KIF16B: variants seen among roughly 807,000 people sequenced by gnomAD.
The protein encoded by KIF16B is kinesin family member 16B.
In KIF16B, 98 loss-of-function variants were observed where a neutral mutation model predicts 156.3. The ratio of observed to expected loss-of-function variants is 0.63; its 90% CI spans 0.53 to 0.74. KIF16B has a LOEUF of 0.74. Among genes scored for constraint, KIF16B ranks in the 30% least tolerant of loss-of-function variants. The probability of loss-of-function intolerance (pLI) is 0.00; values close to 1 mark genes in which losing one functional copy is unlikely to be tolerated. For synonymous variants in KIF16B, 564 were observed against 583.7 expected, an observed-to-expected ratio of 0.97 and a Z score of 0.49; for missense variants, 1,421 against 1,606.5, an observed-to-expected ratio of 0.88 and a Z score of 1.97.
In KIF16B at chr20:16,404,881, G is replaced by A. The variant is rs1218040714; in HGVS notation, c.1716C>T (p.Phe572=). ...EKRKSGLLSS[F]SLSMTDLSKS... ...TCGAGAGGTCGGTCATGGACAAGCT[G>A]AAGGAGGACAGAAGGCCACTCTAAG... The change falls in exon 17 of 26, where the codon TTC becomes TTT. Residue 572 remains phenylalanine, a synonymous_variant. Transcript: ENST00000354981. 3 of 1,613,284 alleles carry A rather than the reference G, an allele frequency of 1.9e-6. No individual in the cohort carries two copies. The Admixed American group carries it at 5.0e-5, about 27-fold the overall frequency.
rs547195807 is a variant in KIF16B at position 16,298,229 on chromosome 20, T to A, written c.3795+14106A>T. 2.0e-5 allele frequency among the ~76,000 whole-genome samples: 3 copies of A among 152,342 alleles called. No homozygotes were observed. In the East Asian group the frequency reaches 5.8e-4, roughly 29 times the overall value. ...AGATAATTTCAAAGATTAGGCCAGA[T>A]AGGTTTGAGAACCACAGCTTTGGGA... On this transcript the variant is annotated intron_variant, in intron 25 of 25. Coordinates refer to ENST00000354981, the MANE Select transcript of KIF16B (RefSeq NM_024704.5).
rs184084637 is a variant in KIF16B, at chr20:16,362,971, T to A, written c.3499-6519A>T. 2.8e-4 allele frequency among the ~76,000 whole-genome samples: 43 copies of A among 152,224 alleles called. 1 individual carries two copies. Among genetic ancestry groups the A allele is most frequent in the African/African-American group, 1.0e-3 (42 of 41,542 alleles). ...CAACTAGTTTATTCAATTCCATCCC[T>A]CATAAAGAAGGCATTAGCATACTAC... is the stretch of plus-strand genomic sequence containing the variant. On this transcript the variant is annotated intron_variant, in intron 22 of 25. Transcript: ENST00000354981.
At chr20:16,462,277 T>C (rs76223731) in intron 12 of KIF16B, among the ~76,000 whole-genome samples, 17,070 of 152,166 alleles carry the variant, frequency 0.11, 1,177 homozygotes, top group Non-Finnish European at 0.17. Flanking sequence ...CTTCCATATG[T>C]ACACTTTTCT....
At chr20:16,459,607 C>T (rs948722893) in intron 12 of KIF16B, among the ~76,000 whole-genome samples, 1 of 152,148 alleles carries the variant, frequency 6.6e-6, no homozygotes, top group Non-Finnish European at 1.5e-5. Flanking sequence ...CTGCTTTCAT[C>T]CTCCACCAAG....
chr20:16,356,631 A>G (rs983809799), intron 22 of KIF16B, among the ~76,000 whole-genome samples, 179 bp from the exon 23 acceptor site: 2 of 152,270 alleles, frequency 1.3e-5, no homozygotes, highest in African/African-American at 4.8e-5. Context: ...AGCCTCTCTC[A>G]TAACAAAAAG....
chr20:16,438,016 G>A (rs557842775), intron 12 of KIF16B, among the ~76,000 whole-genome samples: 69 of 151,474 alleles, frequency 4.6e-4, no homozygotes, highest in African/African-American at 7.3e-4. Context: ...GTGTGGTGGC[G>A]TGCACCTGTA....
chr20:16,563,720 G>A (rs967181959), intron 1 of KIF16B, among the ~76,000 whole-genome samples: 4 of 152,112 alleles, frequency 2.6e-5, no homozygotes, highest in Admixed American at 1.3e-4. Flanking sequence ...CAGTTTCCAT[G>A]TTTAAAATAA....
intron 2 of KIF16B, among the ~76,000 whole-genome samples, chr20:16,526,464 T>C (rs933325118): frequency 2.0e-5 from 3 of 152,316 alleles, no homozygotes; most frequent in South Asian, 2.1e-4. Flanking sequence ...CCAGACTCTG[T>C]ATTTCCACCT....
At chr20:16,478,811 T>G (rs931113498) in intron 12 of KIF16B, among the ~76,000 whole-genome samples, 3 of 152,212 alleles carry the variant, frequency 2.0e-5, no homozygotes, top group African/African-American at 7.2e-5. Flanking sequence ...TGAAGCATTA[T>G]CATATGTTTA....
chr20:16,364,391 A>G (rs2064614330), intron 22 of KIF16B, among the ~76,000 whole-genome samples: 1 of 152,266 alleles, frequency 6.6e-6, no homozygotes. Flanking sequence ...GCAGAATGCC[A>G]CATAACCAAG....
rs1388510141 is a variant in KIF16B at position 16,573,300 on chromosome 20, G to C, written c.-25C>G. The C allele has an allele frequency of 1.2e-6, 2 of 1,609,008 alleles. No homozygotes were observed. Among genetic ancestry groups the C allele is most frequent in the Non-Finnish European group, 1.7e-6 (2 of 1,178,582 alleles). On this transcript the variant is annotated 5_prime_UTR_variant, in exon 1 of 26. Coordinates refer to ENST00000354981, the MANE Select transcript of KIF16B (RefSeq NM_024704.5). ...TCGCTCATCCCGAACCAGCCCGCGC[G>C]GGGTCCCACTAGCCCAGAACTCCGC...
chr20:16,564,919 A>G (rs894190768), intron 1 of KIF16B, among the ~76,000 whole-genome samples: 2 of 151,402 alleles, frequency 1.3e-5, no homozygotes, highest in African/African-American at 4.9e-5. Flanking sequence ...CCCTCCTCCC[A>G]AGCCTTGAGC....
intron 22 of KIF16B, chr20:16,369,086 G>A (rs1229992838): frequency 1.0e-6 from 1 of 985,710 alleles, no homozygotes; most frequent in African/African-American, 1.7e-5. Flanking sequence ...CTCTGCTGGT[G>A]AGTTCTCTCT....
intron 15 of KIF16B, among the ~76,000 whole-genome samples, chr20:16,419,946 C>T (rs1229437128): frequency 1.3e-5 from 2 of 152,094 alleles, no homozygotes; most frequent in East Asian, 3.9e-4. Flanking sequence ...TGATCAAATT[C>T]ACATTTTCTT....
intron 1 of KIF16B, among the ~76,000 whole-genome samples, chr20:16,553,126 G>T (rs2070726907): frequency 6.6e-6 from 1 of 152,134 alleles, no homozygotes; most frequent in South Asian, 2.1e-4. Context: ...CCACCCATCT[G>T]AAGTTTCAGC....
Position 16,508,052 on chromosome 20 carries a change from A to G in KIF16B, c.605T>C (p.Met202Thr), listed in dbSNP as rs902448281. 6 of 1,614,166 alleles carry G rather than the reference A, an allele frequency of 3.7e-6. No homozygotes were observed. The highest frequency in any genetic ancestry group is 3.3e-5 in the Admixed American group (2 of 60,026). Residue 202 changes from methionine (M) to threonine (T), a missense_variant, in exon 7 of 26, where the codon ATG (methionine) becomes ACG (threonine). Coordinates refer to ENST00000354981, the MANE Select transcript of KIF16B (RefSeq NM_024704.5). The stretch of plus-strand genomic sequence containing the variant: ...GGTCCGGTTGATATTGCCCGCATCC[A>G]TAAGTTCTTCTACGTCACCATAATT... ...VQNYGDVEEL[M>T]DAGNINRTTA...
At chr20:16,369,102 T>G (rs2064752910) in intron 22 of KIF16B, 1 of 985,770 alleles carries the variant, frequency 1.0e-6, no homozygotes, top group South Asian at 4.7e-5. Context: ...TCTCTTGTGA[T>G]GCTGAGGAAG....
At chr20:16,320,254 TA>T (rs889859194) in intron 24 of KIF16B, among the ~76,000 whole-genome samples, 3 of 152,074 alleles carry the variant, frequency 2.0e-5, no homozygotes, top group African/African-American at 7.2e-5. Context: ...AACCTCGCAC[TA>T]AAAATCAATC....
chr20:16,509,560 T>C (rs2068893200), intron 6 of KIF16B, among the ~76,000 whole-genome samples: 1 of 152,232 alleles, frequency 6.6e-6, no homozygotes, highest in African/African-American at 2.4e-5. Flanking sequence ...TCTTTTACTA[T>C]GAGTGAAATG....
Sources: gnomAD v4.1 joint callset for allele counts (sites outside exome capture counted in the v4.1 genomes callset) on GRCh38, gnomAD v4.1.1 for gene constraint, MANE v1.5 for transcripts, NCBI Gene and HGNC (gene_info 2026-07-23, HGNC 2026-07-21) for gene names.